PHTF2: variants seen among roughly 807,000 people sequenced by gnomAD.
PHTF2 encodes putative homeodomain transcription factor 2.
A neutral mutation model predicts 101.2 loss-of-function variants in PHTF2; 60 were observed. The ratio of observed to expected loss-of-function variants is 0.59; its 90% confidence interval spans 0.48 to 0.73. The LOEUF (loss-of-function observed/expected upper bound fraction) is 0.73, where lower values mean the gene tolerates loss of function less well. Among genes scored for constraint, PHTF2 ranks in the 30% least tolerant of loss-of-function variants. The pLI is 0.00. For missense variants in PHTF2, 747 were observed against 908.7 expected (o/e 0.82, Z 2.29); for synonymous variants, 311 against 307.3 (o/e 1.01, Z -0.13).
At chr7:77,841,322 C>T (rs1181876003) in intron 2 of PHTF2, among the ~76,000 whole-genome samples, 3 of 151,912 alleles carry the variant, frequency 2.0e-5, no homozygotes, top group African/African-American at 4.8e-5. Context: ...TCAGGTGATC[C>T]GCCCGCCTCA....
At chr7:77,823,624 G>T (rs1794480138) in intron 1 of PHTF2, among the ~76,000 whole-genome samples, 1 of 152,210 alleles carries the variant, frequency 6.6e-6, no homozygotes, top group Non-Finnish European at 1.5e-5. Context: ...TTTTCAAATA[G>T]ATCAGAACAA....
intron 1 of PHTF2, among the ~76,000 whole-genome samples, chr7:77,801,939 A>T (rs1222228485): frequency 6.6e-6 from 1 of 152,236 alleles, no homozygotes; most frequent in Non-Finnish European, 1.5e-5. Context: ...AAAGGGCAAT[A>T]CTTCAAAGAA....
At chr7:77,923,538 C>G in intron 11 of PHTF2, 1 of 985,180 alleles carries the variant, frequency 1.0e-6, no homozygotes, top group Non-Finnish European at 1.2e-6. Context: ...TTTGCACACT[C>G]TTCTTTGTGG....
chr7:77,857,250 T>G (rs1177368006), intron 3 of PHTF2, among the ~76,000 whole-genome samples: 1 of 152,220 alleles, frequency 6.6e-6, no homozygotes, highest in Non-Finnish European at 1.5e-5. Context: ...TACCTCTAGA[T>G]GTGTTACTGT....
intron 1 of PHTF2, among the ~76,000 whole-genome samples, chr7:77,814,513 A>AT (rs771740540): frequency 0.013 from 1,748 of 134,888 alleles, 24 homozygotes; most frequent in African/African-American, 0.034. Context: ...CTTGGGGGGC[A>AT]TTTTTTTTTT....
At position 77,857,660 on chromosome 7, in the gene PHTF2, C is replaced by A. The variant is rs543552324; in HGVS notation, c.147+2826C>A. Among the ~76,000 whole-genome samples, 6 of 152,274 alleles carry A rather than the reference C, an allele frequency of 3.9e-5. No individual in the cohort carries two copies. The East Asian group carries it at 9.6e-4, about 24-fold the overall frequency. ...CGTCACAACCATCTGATGGTAACCA[C>A]CATATGAGGCAGTGTATCTTAGTAG... On this transcript the variant is annotated intron_variant, in intron 3 of 19. Transcript: ENST00000416283.
intron 2 of PHTF2, among the ~76,000 whole-genome samples, chr7:77,841,056 A>G (rs17158667): frequency 0.02 from 2,802 of 141,668 alleles, 80 homozygotes; most frequent in African/African-American, 0.071. Context: ...AGCTTTTCTT[A>G]TATAGGAGAA....
intron 3 of PHTF2, among the ~76,000 whole-genome samples, chr7:77,889,187 A>G (rs1800139478): frequency 6.6e-6 from 1 of 152,176 alleles, no homozygotes; most frequent in Non-Finnish European, 1.5e-5. Flanking sequence ...CAGTAGAATT[A>G]TGTTTCATTC....
At position 77,937,691 on chromosome 7, in the gene PHTF2, A is replaced by T. The variant is rs542399808; in HGVS notation, c.1339-19A>T. ...TTAAATGTGATCTATATATTTACTA[A>T]TTTTTTTTTTTTTTATAGAGTCATT... On this transcript the variant is annotated intron_variant, in intron 12 of 19. Transcript: ENST00000416283. 1.0e-4 allele frequency: 93 copies of T among 895,582 alleles called. No individual in the cohort carries two copies. The highest frequency in any genetic ancestry group is 2.1e-4 in the East Asian group (6 of 28,620). The allele number at this position is 895,582 out of a possible 1,614,324, so 55.5% of individuals were successfully genotyped here.
intron 1 of PHTF2, among the ~76,000 whole-genome samples, chr7:77,809,288 G>A (rs1414625951): frequency 1.4e-5 from 2 of 143,330 alleles, no homozygotes; most frequent in Non-Finnish European, 3.0e-5. Flanking sequence ...GTACAGTGGA[G>A]CGATCTTGGC....
chr7:77,837,711 C>G (rs1795575523), intron 1 of PHTF2, among the ~76,000 whole-genome samples: 1 of 152,068 alleles, frequency 6.6e-6, no homozygotes, highest in South Asian at 2.1e-4. Flanking sequence ...CTAAGTGTAG[C>G]TTGGTAAACA....
At chr7:77,942,929 T>A (rs920206715) in intron 16 of PHTF2, 143 bp downstream of exon 15, 1 of 511,432 alleles carries the variant, frequency 2.0e-6, no homozygotes, top group Non-Finnish European at 3.4e-6. Flanking sequence ...TTTGGTAGAA[T>A]AAATAAGTGC....
chr7:77,870,325 T>G (rs747187150), intron 3 of PHTF2, among the ~76,000 whole-genome samples: 5 of 151,978 alleles, frequency 3.3e-5, no homozygotes, highest in Non-Finnish European at 7.4e-5. Flanking sequence ...ATATATGAGT[T>G]TATTAAGTAT....
chr7:77,897,470 G>A (rs928811401), intron 5 of PHTF2, among the ~76,000 whole-genome samples: 3 of 151,360 alleles, frequency 2.0e-5, no homozygotes, highest in Admixed American at 1.3e-4. Flanking sequence ...CATTTGTGGT[G>A]CTTGTTTCTA....
At chr7:77,935,102 C>A (rs1804966957) in intron 12 of PHTF2, among the ~76,000 whole-genome samples, 1 of 143,280 alleles carries the variant, frequency 7.0e-6, no homozygotes. Flanking sequence ...TTCAACAAGA[C>A]TGTTTTTCAG....
chr7:77,863,846 G>A (rs1188809384), intron 3 of PHTF2, among the ~76,000 whole-genome samples: 3 of 150,742 alleles, frequency 2.0e-5, no homozygotes, highest in Non-Finnish European at 4.4e-5. Context: ...GAGTGCAGTG[G>A]CACGATCATG....
intron 1 of PHTF2, among the ~76,000 whole-genome samples, chr7:77,823,292 C>G (rs1406190628): frequency 6.6e-6 from 1 of 152,000 alleles, no homozygotes; most frequent in East Asian, 1.9e-4. Context: ...ATGATCTTGG[C>G]TCTCTGCAAC....
chr7:77,886,685 G>A (rs1473233522), intron 3 of PHTF2, among the ~76,000 whole-genome samples: 1 of 152,138 alleles, frequency 6.6e-6, no homozygotes, highest in Non-Finnish European at 1.5e-5. Context: ...GAATCCAATA[G>A]ACCTGGGTTC....
At chr7:77,915,740 C>T (rs1013007173) in intron 9 of PHTF2, among the ~76,000 whole-genome samples, 13 of 152,050 alleles carry the variant, frequency 8.5e-5, no homozygotes, top group African/African-American at 3.1e-4. Flanking sequence ...TTTTTCCTTG[C>T]CAAGGGTGTT....
Sources: allele counts gnomAD v4.1 joint callset (sites outside exome capture counted in the v4.1 genomes callset), GRCh38; gene constraint gnomAD v4.1.1; transcripts MANE v1.5; gene names NCBI Gene and HGNC (gene_info 2026-07-23, HGNC 2026-07-21).